The following PFKFB3 variants were observed in gnomAD, a reference collection of about 807,000 sequenced individuals.
PFKFB3 encodes the protein 6-phosphofructo-2-kinase/fructose-2,6-bisphosphatase 3.
In PFKFB3, 33 loss-of-function variants were observed where a neutral mutation model predicts 68.0. The observed-to-expected ratio is 0.49, with a 90% CI of 0.37 to 0.65. The LOEUF (loss-of-function observed/expected upper bound fraction) is 0.65. Among genes scored for constraint, PFKFB3 ranks in the 30% least tolerant of loss-of-function variants. The pLI, the probability that PFKFB3 is intolerant of heterozygous loss-of-function variation, is 0.00. For missense variants in PFKFB3, 586 were observed against 712.2 expected (o/e 0.82, Z 2.02); for synonymous variants, 315 against 288.2 (o/e 1.09, Z -0.94).
At position 6,220,551 on chromosome 10, in the gene PFKFB3, G is replaced by T. The variant is rs543478623; in HGVS notation, c.624-107G>T. The stretch of plus-strand genomic sequence containing the variant: ...CAGTCTGTGCCCTGGAGGGGCCTAC[G>T]GTCCCGCCTTGCTGTTCTCTGGGGA... On this transcript the variant is annotated intron_variant, in intron 7 of 14. Transcript: ENST00000379775. This position sits in a 1 kb window ranked among gnomAD's most constrained non-coding sequence, Gnocchi z 4.1. The T allele has an allele frequency of 1.0e-6, 1 of 987,770 alleles. No homozygotes were observed. The highest frequency in any genetic ancestry group is 2.4e-5 in the East Asian group (1 of 41,602). 61.2% of individuals were successfully genotyped at this position (987,770 alleles called of 1,614,324 possible).
upstream of PFKFB3, chr10:6,202,878 C>T: frequency 9.4e-7 from 1 of 1,058,696 alleles, no homozygotes; most frequent in Non-Finnish European, 1.1e-6. Flanking sequence ...GGCTGACGTA[C>T]GCGTCTGCGG....
rs979814626 is a variant in PFKFB3, at chr10:6,229,281, C to T, written c.1515+2916C>T. The T allele has an allele frequency of 1.9e-5, 8 of 425,976 alleles. No homozygotes were observed. In the East Asian group the frequency reaches 2.2e-4, roughly 12 times the overall value. 26.4% of individuals were successfully genotyped at this position (425,976 alleles called of 1,614,324 possible). A position where few individuals can be genotyped will look rare whatever the true frequency, so the allele number is the denominator to read the frequency against. ...GTTCCTTAAGACCACCCTGGGAGGTCGGCAGGGCAGTCAGTCCCCCGTTTA... is the reference window on the plus strand; with the variant it reads ...GTTCCTTAAGACCACCCTGGGAGGTTGGCAGGGCAGTCAGTCCCCCGTTTA... On this transcript the variant is annotated intron_variant, in intron 14 of 14. Coordinates refer to ENST00000379775, the MANE Select transcript of PFKFB3 (RefSeq NM_004566.4). This position sits in a 1 kb window ranked among gnomAD's most constrained non-coding sequence, Gnocchi z 4.3.
intron 1 of PFKFB3, among the ~76,000 whole-genome samples, chr10:6,193,770 C>G (rs1012436487): frequency 6.6e-6 from 1 of 151,962 alleles, no homozygotes; most frequent in East Asian, 1.9e-4. Flanking sequence ...AAAGTACATT[C>G]TCAAGGGTGG....
At chr10:6,176,730 G>A (rs1346411182) in intron 1 of PFKFB3, among the ~76,000 whole-genome samples, 1 of 152,102 alleles carries the variant, frequency 6.6e-6, no homozygotes, top group East Asian at 1.9e-4. Context: ...AAGTGACTTG[G>A]GTGCCAGGAG....
rs1261118393 is a variant in PFKFB3, at chr10:6,228,628, C to T, written c.1515+2263C>T. ...AAGCCCCCTCCTGCCCCAGGAGTGT[C>T]CTTTGTTTTGGAAGGAAAACTTACT... On this transcript the variant is annotated intron_variant, in intron 14 of 14. Coordinates refer to ENST00000379775, the MANE Select transcript of PFKFB3 (RefSeq NM_004566.4). This position sits in a 1 kb window ranked among gnomAD's most constrained non-coding sequence, Gnocchi z 4.5. Among the ~76,000 whole-genome samples, 1 of 152,122 alleles carries T rather than the reference C, an allele frequency of 6.6e-6. No homozygotes were observed. The highest frequency in any genetic ancestry group is 1.5e-5 in the Non-Finnish European group (1 of 68,024).
At chr10:6,324,164 T>C in the PFKFB3 span, among the ~76,000 whole-genome samples, 4 of 152,194 alleles carry the variant, frequency 2.6e-5, no homozygotes, top group Admixed American at 6.5e-5. Flanking sequence ...TGCTACAACA[T>C]GGACGAACCT....
chr10:6,252,318 C>T (rs138391737), intron 14 of PFKFB3, among the ~76,000 whole-genome samples: 230 of 152,226 alleles, frequency 1.5e-3, no homozygotes, highest in Non-Finnish European at 2.6e-3. Context: ...GTTTCCTTTG[C>T]GATTTTTTTC....
upstream of PFKFB3, among the ~76,000 whole-genome samples, chr10:6,200,751 G>C (rs929957570): frequency 4.0e-5 from 6 of 150,822 alleles, no homozygotes; most frequent in African/African-American, 1.5e-4. Context: ...AGGCGAATGG[G>C]GGAAGAACAT....
chr10:6,155,341 C>T (rs995262690), intron 1 of PFKFB3, among the ~76,000 whole-genome samples: 68 of 151,590 alleles, frequency 4.5e-4, no homozygotes, highest in South Asian at 2.7e-3. Context: ...TAGCTGAGAC[C>T]ACAGGCGCCC....
chr10:6,273,500 T>C, the PFKFB3 span, among the ~76,000 whole-genome samples: 6 of 152,158 alleles, frequency 3.9e-5, no homozygotes, highest in African/African-American at 1.4e-4. Flanking sequence ...CTGTGTTCTG[T>C]TGACAGTTCT....
the PFKFB3 span, among the ~76,000 whole-genome samples, chr10:6,270,512 C>A: frequency 1.3e-5 from 2 of 152,208 alleles, no homozygotes; most frequent in Non-Finnish European, 2.9e-5. Context: ...GCCTGTCTCT[C>A]TAGCCTCAGC....
intron 1 of PFKFB3, among the ~76,000 whole-genome samples, chr10:6,209,382 G>T (rs971540516): frequency 6.6e-6 from 1 of 152,094 alleles, no homozygotes; most frequent in African/African-American, 2.4e-5. Context: ...AAAACTTTAG[G>T]TGTGTGAAAA....
Position 6,215,318 on chromosome 10 carries a change from G to A in PFKFB3, c.299+1G>A, listed in dbSNP as rs1316763695. 6.2e-7 allele frequency: 1 copy of A among 1,612,468 alleles called. No individual in the cohort carries two copies. The highest frequency in any genetic ancestry group is 8.5e-7 in the Non-Finnish European group (1 of 1,178,808). On this transcript the variant is annotated splice_donor_variant, in intron 3 of 14. Coordinates refer to ENST00000379775, the MANE Select transcript of PFKFB3 (RefSeq NM_004566.4). LOFTEE classifies it high-confidence loss of function. The surrounding 1 kb of genome is among the most constrained non-coding windows in gnomAD (Gnocchi z 4.3). ...ATGAGGAAGCCATGAAAGTCCGGAA[G>A]TAAGGCTGGGCCGCGGGCGTAGGGC...
At chr10:6,182,634 C>A (rs538418035) in intron 1 of PFKFB3, among the ~76,000 whole-genome samples, 1 of 152,206 alleles carries the variant, frequency 6.6e-6, no homozygotes, top group African/African-American at 2.4e-5. Context: ...TCGAGGCCCC[C>A]GCCTGTCATT....
intron 1 of PFKFB3, among the ~76,000 whole-genome samples, chr10:6,150,378 G>A (rs1841534980): frequency 6.6e-6 from 1 of 152,124 alleles, no homozygotes; most frequent in Non-Finnish European, 1.5e-5. Flanking sequence ...CCAGCACGTT[G>A]GACGGCTGAG....
Position 6,216,213 on chromosome 10 carries a change from G to A in PFKFB3, c.366+22G>A, listed in dbSNP as rs369478234. The A allele has an allele frequency of 1.7e-4, 280 of 1,610,438 alleles. No homozygotes were observed. The South Asian group carries it at 1.9e-3, about 11-fold the overall frequency. Reference sequence around the variant, plus strand: ...TGCGGTAAGTCCAGGCAATGTAGCCGGCTCGGTGTCCAGTCCCACCCATGA... The same window carrying A: ...TGCGGTAAGTCCAGGCAATGTAGCCAGCTCGGTGTCCAGTCCCACCCATGA... On this transcript the variant is annotated intron_variant, in intron 4 of 14. Transcript: ENST00000379775.
intron 1 of PFKFB3, among the ~76,000 whole-genome samples, chr10:6,166,079 A>G (rs943514368): frequency 6.6e-6 from 1 of 150,842 alleles, no homozygotes; most frequent in African/African-American, 2.4e-5. Flanking sequence ...TCCTGGGTTC[A>G]AGCGATTCTC....
intron 1 of PFKFB3, among the ~76,000 whole-genome samples, chr10:6,174,153 C>T (rs1003920136): frequency 1.3e-5 from 2 of 152,090 alleles, no homozygotes; most frequent in African/African-American, 4.8e-5. Context: ...TTTCTGCTGA[C>T]TTCTCTGAGC....
Position 6,215,430 on chromosome 10 carries a change from G to A in PFKFB3, c.299+113G>A. 1.3e-6 allele frequency: 1 copy of A among 781,288 alleles called. No homozygotes were observed. Among genetic ancestry groups the A allele is most frequent in the Non-Finnish European group, 2.2e-6 (1 of 461,490 alleles). The allele number at this position is 781,288 out of a possible 1,614,324, so 48.4% of individuals were successfully genotyped here. ...CCGCGGGCGTAGGGCTGGGCTGTGG[G>A]AATAAGGCTGGGCTGCGGGGCTGCG... is the stretch of plus-strand genomic sequence containing the variant. On this transcript the variant is annotated intron_variant, in intron 3 of 14. Coordinates refer to ENST00000379775, the MANE Select transcript of PFKFB3 (RefSeq NM_004566.4). The surrounding 1 kb of genome is among the most constrained non-coding windows in gnomAD (Gnocchi z 4.3).
Sources: allele counts gnomAD v4.1 joint callset (sites outside exome capture counted in the v4.1 genomes callset), GRCh38; gene constraint gnomAD v4.1.1; non-coding constraint Gnocchi (gnomAD v3.1); transcripts MANE v1.5; gene names NCBI Gene and HGNC (gene_info 2026-07-23, HGNC 2026-07-21).